CEACAM19: variants seen among roughly 807,000 people sequenced by gnomAD.
The protein encoded by CEACAM19 is CEA cell adhesion molecule 19.
In CEACAM19, 37 loss-of-function variants were observed where a neutral mutation model predicts 37.6. The ratio of observed to expected loss-of-function variants is 0.98; its 90% confidence interval spans 0.76 to 1.29. The LOEUF (loss-of-function observed/expected upper bound fraction) is 1.29. CEACAM19 is among the 50% of genes most tolerant of loss of function. The pLI, the probability that CEACAM19 is intolerant of heterozygous loss-of-function variation, is 0.00. For synonymous variants in CEACAM19, 140 were observed against 149.8 expected, an observed-to-expected ratio of 0.93 and a Z score of 0.48; for missense variants, 340 against 375.6, an observed-to-expected ratio of 0.91 and a Z score of 0.78.
upstream of CEACAM19, among the ~76,000 whole-genome samples, chr19:44,666,635 A>C (rs914185162): frequency 1.3e-4 from 20 of 152,066 alleles, no homozygotes; most frequent in Non-Finnish European, 1.5e-5. Context: ...GTGCCACTGC[A>C]CTCCAGCTTG....
rs754542507 is a variant in CEACAM19, at chr19:44,681,280, A to G, written c.760A>G (p.Ile254Val). The G allele has an allele frequency of 1.2e-6, 2 of 1,613,822 alleles. No individual in the cohort carries two copies. The highest frequency in any genetic ancestry group is 1.1e-5 in the South Asian group (1 of 91,062). The change falls in exon 6 of 8, where the codon ATC becomes GTC. Residue 254 changes from isoleucine to valine, a missense_variant. Ile to Val is a conservative substitution (Grantham distance 29, BLOSUM62 3). Transcript: ENST00000358777. ...MPSPVLLVSP[I>V]SDTRSINPAR... ...CTCTCCAGTCCTCCTGGTGTCCCCC[A>G]TCAGTGACACAAGGTCCATAAACCC...
Position 44,672,753 on chromosome 19 carries a change from G to T in CEACAM19, c.213G>T (p.Thr71=). Residue 71 remains threonine (T), a synonymous_variant, in exon 2 of 8, where the codon ACG becomes ACT. Coordinates refer to ENST00000358777, the MANE Select transcript of CEACAM19 (RefSeq NM_001127893.3). Reference sequence around the variant, plus strand: ...TCAACTGGTACCTGGGGGAGGAGACGTACGGAGGCACGAGGCTATTTACCT... The same window carrying T: ...TCAACTGGTACCTGGGGGAGGAGACTTACGGAGGCACGAGGCTATTTACCT... ...QDFNWYLGEE[T]YGGTRLFTYI... is the part of the protein sequence containing the mutation. The T allele has an allele frequency of 6.3e-7, 1 of 1,582,664 alleles. No individual in the cohort carries two copies. Among genetic ancestry groups the T allele is most frequent in the Non-Finnish European group, 8.6e-7 (1 of 1,162,638 alleles).
chr19:44,667,695 AAT>A (rs1239125878), upstream of CEACAM19, among the ~76,000 whole-genome samples: 5 of 82,606 alleles, frequency 6.1e-5, no homozygotes, highest in East Asian at 3.1e-4. Context: ...ATAAATATAT[AAT>A]ATATATTATA....
intron 2 of CEACAM19, among the ~76,000 whole-genome samples, chr19:44,673,281 C>T (rs1237072651): frequency 6.6e-6 from 1 of 152,212 alleles, no homozygotes; most frequent in Non-Finnish European, 1.5e-5. Context: ...GAATGCATCC[C>T]TCAATCTTTA....
At chr19:44,678,800 A>G (rs1973999914) in intron 3 of CEACAM19, 53 bp from the exon 4 acceptor site, 3 of 1,599,534 alleles carry the variant, frequency 1.9e-6, no homozygotes, top group African/African-American at 2.7e-5. Flanking sequence ...GCTCTCTGAT[A>G]TTCTACTGTC....
intron 5 of CEACAM19, 82 bp downstream of exon 5, chr19:44,680,416 T>C: frequency 7.8e-7 from 1 of 1,290,196 alleles, no homozygotes; most frequent in Non-Finnish European, 1.1e-6. Context: ...GCCCGCTTAT[T>C]CTCCCTCACT....
Position 44,682,587 on chromosome 19 carries a change from C to A in CEACAM19, c.813C>A (p.His271Gln). The change falls in exon 7 of 8, where the codon CAC becomes CAA. Residue 271 changes from histidine to glutamine, a missense_variant. Physicochemically the swap from His to Gln is conservative, Grantham distance 24 (BLOSUM62 0). Coordinates refer to ENST00000358777, the MANE Select transcript of CEACAM19 (RefSeq NM_001127893.3). ...NPARPLPTPP[H>Q]LQAEPENHQY... ...TGCAGCCCCTGCCCACACCCCCACA[C>A]CTGCAGGCGGAGCCAGAGAACCACC... 1 of 1,604,752 alleles carries A rather than the reference C, an allele frequency of 6.2e-7. No individual in the cohort carries two copies. The highest frequency in any genetic ancestry group is 8.5e-7 in the Non-Finnish European group (1 of 1,175,854).
chr19:44,668,688 ATATATTATATAT>A (rs1185537064), upstream of CEACAM19, among the ~76,000 whole-genome samples: 903 of 79,258 alleles, frequency 0.011, 107 homozygotes, highest in African/African-American at 0.049. Flanking sequence ...ATATATTATA[ATATATTATATAT>A]TATATTATAT....
At chr19:44,675,470 C>G (rs1277482264) in intron 2 of CEACAM19, among the ~76,000 whole-genome samples, 3 of 152,048 alleles carry the variant, frequency 2.0e-5, no homozygotes, top group Non-Finnish European at 4.4e-5. Flanking sequence ...ATTCAGGTAT[C>G]ATCAACCGAA....
chr19:44,670,956 G>T (rs138768013), upstream of CEACAM19, among the ~76,000 whole-genome samples: 1 of 151,966 alleles, frequency 6.6e-6, no homozygotes, highest in East Asian at 2.0e-4. Flanking sequence ...GTAGCCGGGC[G>T]TGGTGGCGCA....
chr19:44,682,714 G>A (rs1200381894), intron 7 of CEACAM19, 94 bp downstream of exon 7: 2 of 1,196,018 alleles, frequency 1.7e-6, no homozygotes, highest in Non-Finnish European at 2.3e-6. Context: ...ACTGAAACTG[G>A]GGGCTTTCCT....
In CEACAM19 at chr19:44,683,516, G is replaced by GA; in HGVS notation, c.*27dup. On this transcript the variant is annotated 3_prime_UTR_variant, in exon 8 of 8. Transcript: ENST00000358777. The stretch of plus-strand genomic sequence containing the variant: ...TGGGTCCTGGGCCAGGCCAGCCAGG[G>GA]AGAAGACAAGGCCCCAGCCCTCCTC... 6.8e-7 allele frequency: 1 copy of GA among 1,475,796 alleles called. No homozygotes were observed. The highest frequency in any genetic ancestry group is 9.2e-7 in the Non-Finnish European group (1 of 1,092,260). The allele number at this position is 1,475,796 out of a possible 1,614,324, so 91.4% of individuals were successfully genotyped here. A position where few individuals can be genotyped will look rare whatever the true frequency, so the allele number is the denominator to read the frequency against.
rs1973874126 is a variant in CEACAM19 at position 44,672,574 on chromosome 19, C to T, written c.56-22C>T. On this transcript the variant is annotated intron_variant, in intron 1 of 7. Coordinates refer to ENST00000358777, the MANE Select transcript of CEACAM19 (RefSeq NM_001127893.3). ...CCCTGGCAACACCCCTGATCTCAGC[C>T]CTTCCCTGTAACTTCCCACAGCCTC... 3 of 1,461,038 alleles carry T rather than the reference C, an allele frequency of 2.1e-6. No individual in the cohort carries two copies. In the South Asian group the frequency reaches 4.6e-5, roughly 23 times the overall value. The allele number at this position is 1,461,038 out of a possible 1,614,324, so 90.5% of individuals were successfully genotyped here. A position where few individuals can be genotyped will look rare whatever the true frequency, so the allele number is the denominator to read the frequency against.
Position 44,671,935 on chromosome 19 carries a change from G to T in CEACAM19, c.4G>T (p.Glu2Ter). The change falls in exon 1 of 8, where the codon GAG (glutamate) becomes TAG (stop). Residue 2 changes from glutamate to a stop codon, truncating the protein, a stop_gained. Coordinates refer to ENST00000358777, the MANE Select transcript of CEACAM19 (RefSeq NM_001127893.3). LOFTEE classifies it high-confidence loss of function. ...GGCATTTCCACAAGACGCCAAGATG[G>T]AGATTCCCATGGGGACCCAGGGCTG... is the stretch of plus-strand genomic sequence containing the variant. M[E>*]IPMGTQGCFS... is the part of the protein sequence containing the mutation. 6.2e-7 allele frequency: 1 copy of T among 1,605,598 alleles called. No individual in the cohort carries two copies. Among genetic ancestry groups the T allele is most frequent in the Non-Finnish European group, 8.5e-7 (1 of 1,176,352 alleles).
At chr19:44,667,959 T>C (rs1311957870), upstream of CEACAM19, among the ~76,000 whole-genome samples, 4 of 80,876 alleles carry the variant, frequency 4.9e-5, no homozygotes, top group African/African-American at 2.1e-4. Context: ...TATATAAATC[T>C]ATATAAATAT....
intron 5 of CEACAM19, among the ~76,000 whole-genome samples, chr19:44,680,581 A>G (rs906418462): frequency 6.7e-6 from 1 of 148,162 alleles, no homozygotes; most frequent in Non-Finnish European, 1.5e-5. Context: ...GATCCCATCC[A>G]CCTCCACAGG....
upstream of CEACAM19, among the ~76,000 whole-genome samples, chr19:44,668,082 T>G (rs1275142197): frequency 1.2e-5 from 1 of 84,032 alleles, no homozygotes; most frequent in Non-Finnish European, 2.0e-5. Flanking sequence ...TAAATATATT[T>G]ATATATTATA....
intron 2 of CEACAM19, 47 bp downstream of exon 2, chr19:44,673,011 G>A (rs757611716): frequency 2.8e-6 from 4 of 1,411,630 alleles, no homozygotes; most frequent in Non-Finnish European, 3.7e-6. Context: ...AATGAGCCCT[G>A]AGCAGCTACC....
chr19:44,684,293 C>A lies in CEACAM19; in HGVS notation c.*803C>A, dbSNP rs918590212. On this transcript the variant is annotated 3_prime_UTR_variant, in exon 8 of 8. Transcript: ENST00000358777. ...GCCCTGGTAGAAAGCAAAACAAAAA[C>A]TCCCGCTTTCCCAGAGGGTCACTTG... 1 of 152,270 alleles carries A rather than the reference C, an allele frequency of 6.6e-6. No homozygotes were observed. 9.4% of individuals were successfully genotyped at this position (152,270 alleles called of 1,614,324 possible). A position where few individuals can be genotyped will look rare whatever the true frequency, so the allele number is the denominator to read the frequency against.
Sources: allele counts gnomAD v4.1 joint callset (sites outside exome capture counted in the v4.1 genomes callset), GRCh38; gene constraint gnomAD v4.1.1; transcripts MANE v1.5; gene names NCBI Gene and HGNC (gene_info 2026-07-23, HGNC 2026-07-21).